CAMK4: variants seen among roughly 807,000 people sequenced by gnomAD.
The protein encoded by CAMK4 is calcium/calmodulin-dependent protein kinase type IV.
CAMK4 carries 22 observed loss-of-function variants against 44.9 expected under a neutral mutation model. The observed-to-expected ratio is 0.49, with a 90% CI of 0.35 to 0.70. The LOEUF is 0.70. Among genes scored for constraint, CAMK4 ranks in the 30% least tolerant of loss-of-function variants. CAMK4 has a pLI of 0.01. For missense variants in CAMK4, 498 were observed against 586.8 expected (o/e 0.85, Z 1.56); for synonymous variants, 218 against 215.4 (o/e 1.01, Z -0.11).
At chr5:111,421,206 A>AT (rs776562683) in intron 5 of CAMK4, among the ~76,000 whole-genome samples, 45 of 152,168 alleles carry the variant, frequency 3.0e-4, no homozygotes, top group Non-Finnish European at 6.2e-4. Flanking sequence ...TCCCGCAACA[A>AT]TATCTGCATT....
intron 7 of CAMK4, among the ~76,000 whole-genome samples, chr5:111,452,314 T>C (rs17536705): frequency 0.24 from 36,418 of 152,170 alleles, 5,293 homozygotes; most frequent in Non-Finnish European, 0.33. Context: ...GTTTAAAGAA[T>C]CTATACATCA....
At chr5:111,331,353 G>A (rs189682960) in intron 1 of CAMK4, among the ~76,000 whole-genome samples, 18 of 151,570 alleles carry the variant, frequency 1.2e-4, no homozygotes, top group Admixed American at 1.3e-4. Context: ...ATCATTATTC[G>A]TGGAAATGTA....
At chr5:111,363,829 G>A (rs1222326690) in intron 2 of CAMK4, among the ~76,000 whole-genome samples, 1 of 152,066 alleles carries the variant, frequency 6.6e-6, no homozygotes, top group East Asian at 1.9e-4. Flanking sequence ...ATGGCAAAGA[G>A]TTTATACTTA....
intron 1 of CAMK4, among the ~76,000 whole-genome samples, chr5:111,319,021 G>A (rs1307438167): frequency 6.6e-6 from 1 of 152,082 alleles, no homozygotes; most frequent in Non-Finnish European, 1.5e-5. Flanking sequence ...GAGCTGGTAA[G>A]GAGTTATTCA....
intron 4 of CAMK4, among the ~76,000 whole-genome samples, chr5:111,383,653 G>A (rs1751495555): frequency 6.7e-6 from 1 of 148,322 alleles, no homozygotes; most frequent in African/African-American, 2.5e-5. Flanking sequence ...TTTTAGTAGA[G>A]ACAGGGTTTC....
chr5:111,459,744 G>A (rs561391548), intron 7 of CAMK4, among the ~76,000 whole-genome samples: 28 of 144,662 alleles, frequency 1.9e-4, no homozygotes, highest in African/African-American at 6.1e-4. Flanking sequence ...ACCCAGGCTG[G>A]AGTGCAGTGG....
intron 1 of CAMK4, among the ~76,000 whole-genome samples, chr5:111,328,761 C>T (rs1749017576): frequency 6.6e-6 from 1 of 151,910 alleles, no homozygotes; most frequent in Non-Finnish European, 1.5e-5. Flanking sequence ...GTATTTTATT[C>T]TCCTTGAAGC....
At chr5:111,255,519 A>G (rs531680887) in intron 1 of CAMK4, among the ~76,000 whole-genome samples, 147 of 152,322 alleles carry the variant, frequency 9.7e-4, no homozygotes, top group African/African-American at 3.2e-3. Context: ...CAGCTAGGTC[A>G]GAGTTTGTGT....
intron 5 of CAMK4, among the ~76,000 whole-genome samples, chr5:111,402,989 C>T (rs912507999): frequency 7.2e-5 from 11 of 152,158 alleles, no homozygotes; most frequent in African/African-American, 2.7e-4. Context: ...CAATAAGATA[C>T]TGAACCGTTT....
chr5:111,392,933 A>G (rs973624011), intron 4 of CAMK4, among the ~76,000 whole-genome samples: 1 of 152,174 alleles, frequency 6.6e-6, no homozygotes, highest in Non-Finnish European at 1.5e-5. Flanking sequence ...AGGAAGAGCT[A>G]GAGCAGATTG....
intron 1 of CAMK4, among the ~76,000 whole-genome samples, chr5:111,255,899 T>G (rs1357343169): frequency 1.3e-5 from 2 of 152,222 alleles, no homozygotes; most frequent in African/African-American, 4.8e-5. Flanking sequence ...ATCAATAGTG[T>G]TATTGGAAAT....
intron 5 of CAMK4, among the ~76,000 whole-genome samples, chr5:111,406,242 CAG>C (rs1056038322): frequency 2.3e-4 from 31 of 137,738 alleles, no homozygotes; most frequent in African/African-American, 8.6e-4. Flanking sequence ...GTTTTTTAGA[CAG>C]AGTCTTGCTC....
At chr5:111,377,528 G>A (rs920689944) in intron 4 of CAMK4, among the ~76,000 whole-genome samples, 1 of 137,376 alleles carries the variant, frequency 7.3e-6, no homozygotes, top group Non-Finnish European at 1.6e-5. Context: ...GTGGGGGTGG[G>A]GGTTGGAGCC....
At chr5:111,409,828 T>A (rs1327447364) in intron 5 of CAMK4, among the ~76,000 whole-genome samples, 1 of 152,196 alleles carries the variant, frequency 6.6e-6, no homozygotes, top group African/African-American at 2.4e-5. Flanking sequence ...TGACCTTTAC[T>A]CCAGTTCCCA....
intron 5 of CAMK4, 145 bp from the exon 6 acceptor site, chr5:111,446,541 A>T (rs1754034382): frequency 1.8e-6 from 1 of 560,612 alleles, no homozygotes; most frequent in Non-Finnish European, 3.2e-6. Flanking sequence ...AGTTTAAAAC[A>T]GATTTTCCTT....
chr5:111,315,146 G>A (rs558486575), intron 1 of CAMK4, among the ~76,000 whole-genome samples: 1 of 152,160 alleles, frequency 6.6e-6, no homozygotes, highest in Admixed American at 6.6e-5. Context: ...TGTGCTTTTG[G>A]CAGAGTTTTT....
At chr5:111,405,073 T>C (rs1234148302) in intron 5 of CAMK4, among the ~76,000 whole-genome samples, 2 of 152,164 alleles carry the variant, frequency 1.3e-5, no homozygotes, top group Non-Finnish European at 2.9e-5. Flanking sequence ...GTGCACTTAG[T>C]GATTCAAAGT....
intron 1 of CAMK4, among the ~76,000 whole-genome samples, chr5:111,228,654 A>G (rs1238290680): frequency 2.0e-5 from 3 of 152,010 alleles, no homozygotes; most frequent in African/African-American, 7.3e-5. Flanking sequence ...TGTTAAAAAA[A>G]CTTGGCTGAA....
In CAMK4 at chr5:111,393,380, G is replaced by T. The variant is rs995871077; in HGVS notation, c.387-1330G>T. On this transcript the variant is annotated intron_variant, in intron 4 of 10. Transcript: ENST00000282356. ...AGGAAATAGCTCCAAAGACATCAAG[G>T]TATAGAATGAAATGTAATCCTCTAG... 1.4e-4 allele frequency among the ~76,000 whole-genome samples: 21 copies of T among 152,236 alleles called. No homozygotes were observed. In the South Asian group the frequency reaches 4.1e-3, roughly 30 times the overall value.
Sources: gnomAD v4.1 joint callset for allele counts (sites outside exome capture counted in the v4.1 genomes callset) on GRCh38, gnomAD v4.1.1 for gene constraint, MANE v1.5 for transcripts, NCBI Gene and HGNC (gene_info 2026-07-23, HGNC 2026-07-21) for gene names.